The following PKIA variants were observed in gnomAD, a reference collection of about 807,000 sequenced individuals.
PKIA encodes cAMP-dependent protein kinase inhibitor alpha.
Under a neutral mutation model 7.6 loss-of-function variants are expected in PKIA, and 4 were observed. The ratio of observed to expected loss-of-function variants is 0.52; its 90% CI spans 0.26 to 1.20. PKIA has a LOEUF of 1.20. PKIA is among the 50% of genes most tolerant of loss of function. PKIA has a pLI of 0.13. For missense variants in PKIA, 73 were observed against 86.2 expected, an observed-to-expected ratio of 0.85 and a Z score of 0.61; for synonymous variants, 21 against 30.7, an observed-to-expected ratio of 0.68 and a Z score of 1.04.
intron 2 of PKIA, among the ~76,000 whole-genome samples, chr8:78,597,153 T>C (rs377417429): frequency 3.2e-3 from 489 of 152,160 alleles, no homozygotes; most frequent in African/African-American, 0.011. Context: ...AGGGTTGCTT[T>C]GGCCATTTGG....
At chr8:78,524,926 T>G (rs989683896) in intron 1 of PKIA, among the ~76,000 whole-genome samples, 16 of 151,926 alleles carry the variant, frequency 1.1e-4, no homozygotes, top group African/African-American at 3.9e-4. Context: ...CTAATACCAT[T>G]TATTTCTGAA....
intron 1 of PKIA, among the ~76,000 whole-genome samples, chr8:78,556,891 G>A (rs749628099): frequency 6.6e-5 from 10 of 152,082 alleles, no homozygotes; most frequent in Admixed American, 1.3e-4. Context: ...TGGCAGGAAC[G>A]ATAGATTTGC....
At chr8:78,571,499 T>C (rs1229741576) in intron 1 of PKIA, among the ~76,000 whole-genome samples, 5 of 152,104 alleles carry the variant, frequency 3.3e-5, no homozygotes, top group Non-Finnish European at 7.4e-5. Context: ...AAACTTTCAA[T>C]CCCTGACAGA....
In PKIA at chr8:78,581,394, A is replaced by G. The variant is rs146669201; in HGVS notation, c.-28+8455A>G. 5.5e-3 allele frequency among the ~76,000 whole-genome samples: 830 copies of G among 152,262 alleles called. 9 individuals carry two copies. Among genetic ancestry groups the G allele is most frequent in the African/African-American group, 0.019 (770 of 41,564 alleles). The stretch of plus-strand genomic sequence containing the variant: ...AGAAATAGGATATTTACATAAGCAC[A>G]AAGTATCTTGCCACAAAATGTATTA... On this transcript the variant is annotated intron_variant, in intron 2 of 3. Transcript: ENST00000396418.
intron 2 of PKIA, among the ~76,000 whole-genome samples, chr8:78,592,205 G>A (rs1808116185): frequency 6.6e-6 from 1 of 151,944 alleles, no homozygotes; most frequent in Non-Finnish European, 1.5e-5. Context: ...TATAATCATA[G>A]AGAAAATCTG....
chr8:78,526,036 G>T (rs191008769), intron 1 of PKIA, among the ~76,000 whole-genome samples: 204 of 152,118 alleles, frequency 1.3e-3, no homozygotes, highest in Non-Finnish European at 2.3e-3. Flanking sequence ...AATATACATG[G>T]TAAAGGTTAA....
chr8:78,572,654 C>T (rs1186182405), intron 1 of PKIA, among the ~76,000 whole-genome samples, 157 bp from the exon 2 acceptor site: 2 of 151,840 alleles, frequency 1.3e-5, no homozygotes, highest in African/African-American at 2.4e-5. Context: ...ACTCTCATCA[C>T]GTGTTTGTGT....
chr8:78,573,061 C>A (rs568627301), intron 2 of PKIA, 122 bp downstream of exon 2: 13 of 152,164 alleles, frequency 8.5e-5, no homozygotes, highest in Admixed American at 8.5e-4. Context: ...TGTTCACAAT[C>A]CCCTTGGAGG....
chr8:78,522,405 T>C (rs528813264), intron 1 of PKIA, among the ~76,000 whole-genome samples: 49 of 152,032 alleles, frequency 3.2e-4, no homozygotes, highest in Non-Finnish European at 3.5e-4. Context: ...TCAGAGATTA[T>C]GCCCAGATAT....
chr8:78,568,975 T>G (rs1029932467), intron 1 of PKIA, among the ~76,000 whole-genome samples: 1 of 152,112 alleles, frequency 6.6e-6, no homozygotes, highest in Admixed American at 6.6e-5. Flanking sequence ...AATGGAGAGC[T>G]GAGCCTCCAC....
At chr8:78,579,486 A>G (rs1036691792) in intron 2 of PKIA, among the ~76,000 whole-genome samples, 2 of 152,002 alleles carry the variant, frequency 1.3e-5, no homozygotes, top group Admixed American at 6.6e-5. Context: ...TTCCAGCATT[A>G]GGACCTTTGC....
chr8:78,588,980 G>A (rs559550095), intron 2 of PKIA, among the ~76,000 whole-genome samples: 25 of 151,938 alleles, frequency 1.6e-4, no homozygotes, highest in Non-Finnish European at 3.5e-4. Context: ...TAACAGGGAA[G>A]ATGTAAGCAA....
intron 3 of PKIA, among the ~76,000 whole-genome samples, chr8:78,600,541 C>T (rs915578103): frequency 1.3e-5 from 2 of 151,938 alleles, no homozygotes; most frequent in African/African-American, 4.8e-5. Flanking sequence ...TTACATATGC[C>T]CTAATTTGAC....
intron 2 of PKIA, among the ~76,000 whole-genome samples, chr8:78,596,725 G>A (rs1158259501): frequency 1.3e-5 from 2 of 152,076 alleles, no homozygotes; most frequent in Admixed American, 6.6e-5. Context: ...TGGAGTCTTT[G>A]ACATAAATTA....
At position 78,602,092 on chromosome 8, in the gene PKIA, A is replaced by G; in HGVS notation, c.*271A>G. On this transcript the variant is annotated 3_prime_UTR_variant, in exon 4 of 4. Coordinates refer to ENST00000396418, the MANE Select transcript of PKIA (RefSeq NM_006823.4). Reference sequence around the variant, plus strand: ...TCCTTTCACTTGATCATATGACGAAATGCTTATAGAGAGTAGCTCCGACCT... The same window carrying G: ...TCCTTTCACTTGATCATATGACGAAGTGCTTATAGAGAGTAGCTCCGACCT... The G allele has an allele frequency of 2.3e-6, 1 of 443,852 alleles. No homozygotes were observed. 27.5% of individuals were successfully genotyped at this position (443,852 alleles called of 1,614,324 possible).
Position 78,601,769 on chromosome 8 carries a change from C to T in PKIA, c.179C>T (p.Ser60Phe), listed in dbSNP as rs1449954071. 1.9e-6 allele frequency: 3 copies of T among 1,612,348 alleles called. No homozygotes were observed. Among genetic ancestry groups the T allele is most frequent in the Non-Finnish European group, 2.5e-6 (3 of 1,178,920 alleles). Residue 60 changes from serine to phenylalanine, a missense_variant, in exon 4 of 4, where the codon TCT (serine) becomes TTT (phenylalanine). Coordinates refer to ENST00000396418, the MANE Select transcript of PKIA (RefSeq NM_006823.4). Reference protein sequence around the residue: ...TEGEEDAQRSSTEQSGEAQGE... With the variant: ...TEGEEDAQRSFTEQSGEAQGE... Reference sequence around the variant, plus strand: ...GGTGAAGAAGATGCACAACGAAGTTCTACAGAACAAAGTGGGGAAGCCCAG... The same window carrying T: ...GGTGAAGAAGATGCACAACGAAGTTTTACAGAACAAAGTGGGGAAGCCCAG...
chr8:78,598,443 G>A lies in PKIA; in HGVS notation c.59G>A (p.Arg20Lys). Residue 20 changes from arginine (R) to lysine (K), a missense_variant, in exon 3 of 4, where the codon AGA (arginine) becomes AAA (lysine). Transcript: ENST00000396418. Reference sequence around the variant, plus strand: ...ATTGCTTCAGGAAGAACAGGTAGAAGAAATGCAATACATGATATCCTGGTT... The same window carrying A: ...ATTGCTTCAGGAAGAACAGGTAGAAAAAATGCAATACATGATATCCTGGTT... ...DFIASGRTGRRNAIHDILVSS... is the reference protein window; with the variant it reads ...DFIASGRTGRKNAIHDILVSS... 2.5e-6 allele frequency: 4 copies of A among 1,611,418 alleles called. No homozygotes were observed. The highest frequency in any genetic ancestry group is 3.4e-6 in the Non-Finnish European group (4 of 1,178,014).
intron 2 of PKIA, among the ~76,000 whole-genome samples, chr8:78,580,341 T>A (rs2130198261): frequency 6.6e-6 from 1 of 152,174 alleles, no homozygotes; most frequent in South Asian, 2.1e-4. Context: ...TCTAATATTC[T>A]CTAGGAAAAA....
At chr8:78,549,803 CAA>C (rs1295593357) in intron 1 of PKIA, among the ~76,000 whole-genome samples, 107 of 149,320 alleles carry the variant, frequency 7.2e-4, no homozygotes, top group Non-Finnish European at 1.9e-4. Context: ...CTCAGTGAAA[CAA>C]AGGTCCATTT....
Sources: gnomAD v4.1 joint callset for allele counts (sites outside exome capture counted in the v4.1 genomes callset) on GRCh38, gnomAD v4.1.1 for gene constraint, MANE v1.5 for transcripts, NCBI Gene and HGNC (gene_info 2026-07-23, HGNC 2026-07-21) for gene names.